GLYATL1: variants seen among roughly 807,000 people sequenced by gnomAD.
GLYATL1 encodes glycine N-acyltransferase-like protein 1.
GLYATL1 carries 15 observed loss-of-function variants against 20.0 expected under a neutral mutation model. The observed-to-expected ratio is 0.75, with a 90% CI of 0.50 to 1.15. GLYATL1 has a LOEUF of 1.15. Among genes scored for constraint, GLYATL1 ranks in the 50% most tolerant of loss-of-function variants. The pLI is 0.00. For missense variants in GLYATL1, 380 were observed against 368.5 expected, an observed-to-expected ratio of 1.03 and a Z score of -0.26; for synonymous variants, 151 against 131.5, an observed-to-expected ratio of 1.15 and a Z score of -1.01.
Position 58,949,315 on chromosome 11 carries a change from C to T in GLYATL1, c.186+1350C>T, listed in dbSNP as rs61889806. On this transcript the variant is annotated intron_variant, in intron 4 of 6. Transcript: ENST00000532726. ...GTCAGGATTCGGATGCAGAAAGTGA[C>T]AAAGTGACCCTAGCTTGAGGAACAA... 2.4e-3 allele frequency among the ~76,000 whole-genome samples: 371 copies of T among 152,254 alleles called. 1 individual carries two copies. Among genetic ancestry groups the T allele is most frequent in the Non-Finnish European group, 3.9e-3 (264 of 68,012 alleles).
intron 1 of GLYATL1, among the ~76,000 whole-genome samples, chr11:58,921,095 G>C (rs934576426): frequency 2.0e-5 from 3 of 152,204 alleles, no homozygotes; most frequent in African/African-American, 7.2e-5. Flanking sequence ...GCCTCCCAGA[G>C]GAGGGGCTCC....
At chr11:58,952,244 C>T (rs1476891693) in intron 4 of GLYATL1, among the ~76,000 whole-genome samples, 1 of 152,026 alleles carries the variant, frequency 6.6e-6, no homozygotes, top group Non-Finnish European at 1.5e-5. Flanking sequence ...GCAATTTATA[C>T]ACTCATGTAA....
chr11:58,926,534 C>T (rs1223198012), upstream of GLYATL1, among the ~76,000 whole-genome samples: 1 of 152,148 alleles, frequency 6.6e-6, no homozygotes, highest in African/African-American at 2.4e-5. Context: ...TGCCAGTAAA[C>T]CTAGATCCAG....
chr11:58,909,438 G>A (rs1854986556), downstream of GLYATL1, among the ~76,000 whole-genome samples: 1 of 152,168 alleles, frequency 6.6e-6, no homozygotes, highest in Non-Finnish European at 1.5e-5. Flanking sequence ...GACTTTTGGA[G>A]GTGATAGATA....
chr11:58,905,781 C>A (rs1007580016), intron 1 of GLYATL1: 29 of 383,188 alleles, frequency 7.6e-5, no homozygotes, highest in African/African-American at 5.8e-4. Flanking sequence ...TCGGCCTGGC[C>A]GTCTGACCCG....
upstream of GLYATL1, among the ~76,000 whole-genome samples, chr11:58,923,585 T>C (rs1200828883): frequency 6.6e-6 from 1 of 152,012 alleles, no homozygotes; most frequent in Non-Finnish European, 1.5e-5. Flanking sequence ...TGTGGAGAGG[T>C]GGGATTTTCC....
At chr11:58,953,774 G>T (rs1857181694) in intron 4 of GLYATL1, among the ~76,000 whole-genome samples, 1 of 152,090 alleles carries the variant, frequency 6.6e-6, no homozygotes, top group Non-Finnish European at 1.5e-5. Flanking sequence ...ATTCTTGAAG[G>T]TTTCTTTAAA....
At chr11:58,906,816 G>A (rs1436255996) in intron 1 of GLYATL1, among the ~76,000 whole-genome samples, 1 of 152,150 alleles carries the variant, frequency 6.6e-6, no homozygotes, top group East Asian at 1.9e-4. Context: ...GGAAAGCATT[G>A]AGGTCATTCT....
intron 2 of GLYATL1, among the ~76,000 whole-genome samples, chr11:58,944,038 A>G (rs181892442): frequency 7.9e-5 from 12 of 152,106 alleles, no homozygotes; most frequent in Admixed American, 7.9e-4. Context: ...TAAAGACAAT[A>G]TTTTAGATAA....
chr11:58,925,352 T>C (rs533923252), upstream of GLYATL1, among the ~76,000 whole-genome samples: 1 of 152,350 alleles, frequency 6.6e-6, no homozygotes, highest in South Asian at 2.1e-4. Flanking sequence ...AAATTATACA[T>C]TTCCTGCATG....
upstream of GLYATL1, among the ~76,000 whole-genome samples, chr11:58,926,070 C>A (rs1453439743): frequency 6.6e-6 from 1 of 152,184 alleles, no homozygotes; most frequent in Non-Finnish European, 1.5e-5. Context: ...TGGATACACA[C>A]ACATATCTTA....
chr11:58,930,715 C>T (rs747194531), intron 1 of GLYATL1, among the ~76,000 whole-genome samples: 24 of 151,856 alleles, frequency 1.6e-4, no homozygotes, highest in Admixed American at 5.3e-4. Context: ...GTTGAAGACA[C>T]AAAAATGTGA....
At chr11:58,918,912 T>C (rs539772220) in intron 1 of GLYATL1, among the ~76,000 whole-genome samples, 3 of 152,330 alleles carry the variant, frequency 2.0e-5, no homozygotes, top group Admixed American at 2.0e-4. Flanking sequence ...GTTCAGATGG[T>C]CTGGGTACTC....
At chr11:58,938,844 G>C (rs1855955287), upstream of GLYATL1, among the ~76,000 whole-genome samples, 1 of 152,176 alleles carries the variant, frequency 6.6e-6, no homozygotes, top group Admixed American at 6.5e-5. Flanking sequence ...AAAGGAGTCT[G>C]CTCTGGAACT....
At position 58,956,084 on chromosome 11, in the gene GLYATL1, CCACAGAATAGATTTCTT is replaced by C; in HGVS notation, c.*61_*77del. 6.9e-7 allele frequency: 1 copy of C among 1,444,224 alleles called. No homozygotes were observed. The highest frequency in any genetic ancestry group is 9.6e-7 in the Non-Finnish European group (1 of 1,047,064). 89.5% of individuals were successfully genotyped at this position (1,444,224 alleles called of 1,614,324 possible). The stretch of plus-strand genomic sequence containing the variant: ...CCATCTCTTAATATTAAAGCAGACA[CCACAGAATAGATTTCTT>C]CACTTACAAATGCATATTGGGCACT... On this transcript the variant is annotated 3_prime_UTR_variant, in exon 7 of 7. Coordinates refer to ENST00000532726, the MANE Select transcript of GLYATL1 (RefSeq NM_001389712.2).
intron 1 of GLYATL1, among the ~76,000 whole-genome samples, chr11:58,922,129 A>G (rs1364412984): frequency 6.6e-6 from 1 of 152,136 alleles, no homozygotes; most frequent in Non-Finnish European, 1.5e-5. Flanking sequence ...TCTTCAAGAA[A>G]TTGGCCCTGT....
At chr11:58,919,121 A>T (rs1048398498) in intron 1 of GLYATL1, among the ~76,000 whole-genome samples, 1 of 152,238 alleles carries the variant, frequency 6.6e-6, no homozygotes, top group East Asian at 1.9e-4. Flanking sequence ...AGTGTCTGTC[A>T]GACTTATAGG....
upstream of GLYATL1, among the ~76,000 whole-genome samples, chr11:58,936,669 C>G (rs1430919205): frequency 6.6e-6 from 1 of 152,178 alleles, no homozygotes; most frequent in Non-Finnish European, 1.5e-5. Flanking sequence ...TATTAAGGAG[C>G]AACAAAGAGT....
At chr11:58,915,926 T>TAG (rs10674914) in intron 1 of GLYATL1, among the ~76,000 whole-genome samples, 2 of 151,752 alleles carry the variant, frequency 1.3e-5, no homozygotes, top group Non-Finnish European at 2.9e-5. Context: ...AAACGAAACT[T>TAG]GTTAAGTTGC....
Sources: gnomAD v4.1 joint callset for allele counts (sites outside exome capture counted in the v4.1 genomes callset) on GRCh38, gnomAD v4.1.1 for gene constraint, MANE v1.5 for transcripts, NCBI Gene and HGNC (gene_info 2026-07-23, HGNC 2026-07-21) for gene names.